CDH18: variants seen among roughly 807,000 people sequenced by gnomAD.
CDH18 encodes cadherin-18.
CDH18 carries 31 observed loss-of-function variants against 67.9 expected under a neutral mutation model. The ratio of observed to expected loss-of-function variants is 0.46; its 90% CI spans 0.34 to 0.62. The LOEUF (loss-of-function observed/expected upper bound fraction) is 0.62, where lower values mean the gene tolerates loss of function less well. Ranked by LOEUF, CDH18 falls within the 20% of genes least tolerant of loss-of-function variation. The pLI, the probability that CDH18 is intolerant of heterozygous loss-of-function variation, is 0.01. For missense variants in CDH18, 890 were observed against 975.5 expected (o/e 0.91, Z 1.17); for synonymous variants, 362 against 347.2 (o/e 1.04, Z -0.48).
intron 11 of CDH18, among the ~76,000 whole-genome samples, chr5:19,502,153 G>A (rs539265849): frequency 1.9e-4 from 29 of 152,166 alleles, no homozygotes; most frequent in Non-Finnish European, 4.0e-4. Context: ...CGGAAGTGAA[G>A]AGAAAGGGAA....
chr5:19,527,201 C>G (rs1237200174), intron 9 of CDH18, among the ~76,000 whole-genome samples: 3 of 151,724 alleles, frequency 2.0e-5, no homozygotes, highest in Non-Finnish European at 4.4e-5. Context: ...TGAAAACAAA[C>G]TATCCACTTA....
intron 2 of CDH18, among the ~76,000 whole-genome samples, chr5:19,921,735 A>C (rs1474231281): frequency 2.6e-5 from 4 of 152,162 alleles, no homozygotes; most frequent in African/African-American, 9.6e-5. Context: ...CATCAGTCAT[A>C]AGTAGAAAAG....
intron 3 of CDH18, among the ~76,000 whole-genome samples, chr5:19,833,380 G>A (rs2150001848): frequency 6.6e-6 from 1 of 152,204 alleles, no homozygotes; most frequent in East Asian, 1.9e-4. Context: ...TGTATCCTGA[G>A]AGTTTGCTGA....
upstream of CDH18, among the ~76,000 whole-genome samples, chr5:19,989,893 T>C (rs1799883640): frequency 6.6e-6 from 1 of 152,158 alleles, no homozygotes; most frequent in Non-Finnish European, 1.5e-5. Context: ...TTAAGGAAGA[T>C]GTTAGAAGTC....
At chr5:20,307,222 A>C (rs914887981) in intron 1 of CDH18, among the ~76,000 whole-genome samples, 17 of 152,150 alleles carry the variant, frequency 1.1e-4, no homozygotes, top group Non-Finnish European at 5.9e-5. Flanking sequence ...GAGATCTTTT[A>C]TTCTAAGAGC....
chr5:20,330,151 T>C (rs1739028995), intron 1 of CDH18, among the ~76,000 whole-genome samples: 1 of 152,228 alleles, frequency 6.6e-6, no homozygotes, highest in South Asian at 2.1e-4. Flanking sequence ...AATTATCTTT[T>C]TTTAGTTGCT....
At chr5:19,917,354 T>G (rs960922206) in intron 2 of CDH18, among the ~76,000 whole-genome samples, 1 of 149,704 alleles carries the variant, frequency 6.7e-6, no homozygotes, top group Admixed American at 6.7e-5. Flanking sequence ...CGCCCCCTTT[T>G]TTTTCTTTTC....
intron 1 of CDH18, among the ~76,000 whole-genome samples, chr5:20,535,070 T>C (rs1174716858): frequency 6.6e-6 from 1 of 152,118 alleles, no homozygotes; most frequent in Admixed American, 6.6e-5. Flanking sequence ...CATGAAAATA[T>C]AGTGTTAAAA....
At chr5:20,207,690 C>A (rs1248275177) in intron 2 of CDH18, among the ~76,000 whole-genome samples, 2 of 152,068 alleles carry the variant, frequency 1.3e-5, no homozygotes, top group Non-Finnish European at 2.9e-5. Context: ...GTCCCTCCCA[C>A]AACATGTGAA....
intron 1 of CDH18, among the ~76,000 whole-genome samples, chr5:20,387,979 T>C (rs538765340): frequency 4.9e-4 from 74 of 152,280 alleles, no homozygotes; most frequent in Non-Finnish European, 9.3e-4. Flanking sequence ...CAGTATTTTA[T>C]TGAGGATTTT....
chr5:19,755,431 G>GTATATATATATATA (rs1256145011), intron 3 of CDH18, among the ~76,000 whole-genome samples: 17 of 77,336 alleles, frequency 2.2e-4, no homozygotes, highest in Non-Finnish European at 3.1e-4. Context: ...AACAGGGTAT[G>GTATATATATATATA]TATATATATA....
At chr5:19,913,563 A>G (rs1364703396) in intron 2 of CDH18, among the ~76,000 whole-genome samples, 1 of 152,102 alleles carries the variant, frequency 6.6e-6, no homozygotes, top group Admixed American at 6.6e-5. Context: ...GAAATCAGAG[A>G]GTAGGTATGT....
chr5:20,562,416 C>T (rs2126649810), intron 1 of CDH18, among the ~76,000 whole-genome samples: 1 of 151,566 alleles, frequency 6.6e-6, no homozygotes, highest in East Asian at 1.9e-4. Context: ...ACCTATGTTA[C>T]TAAGCAAAAT....
At chr5:20,476,817 T>G (rs892147059) in intron 1 of CDH18, among the ~76,000 whole-genome samples, 4 of 152,202 alleles carry the variant, frequency 2.6e-5, no homozygotes, top group Admixed American at 1.3e-4. Flanking sequence ...TGTATCTATT[T>G]GAAGAACAGT....
intron 2 of CDH18, among the ~76,000 whole-genome samples, chr5:19,950,509 A>C (rs1433520938): frequency 6.6e-6 from 1 of 152,162 alleles, no homozygotes; most frequent in African/African-American, 2.4e-5. Context: ...TGTTCTGCAA[A>C]ACCTATTGAA....
At chr5:19,924,361 T>C (rs751973048) in intron 2 of CDH18, among the ~76,000 whole-genome samples, 1 of 152,094 alleles carries the variant, frequency 6.6e-6, no homozygotes, top group Non-Finnish European at 1.5e-5. Context: ...CTTTGGCCAG[T>C]TGTGGTGGCT....
At chr5:20,421,945 A>G (rs1747895945) in intron 1 of CDH18, among the ~76,000 whole-genome samples, 1 of 150,900 alleles carries the variant, frequency 6.6e-6, no homozygotes, top group African/African-American at 2.5e-5. Flanking sequence ...TATACTCATC[A>G]TTTAAAAACC....
chr5:19,849,523 C>G (rs186161816), intron 2 of CDH18, among the ~76,000 whole-genome samples: 2 of 151,062 alleles, frequency 1.3e-5, no homozygotes, highest in Admixed American at 6.6e-5. Context: ...CATAAATGTA[C>G]GCTTTGTGTT....
At chr5:19,597,704 C>T (rs2150052622) in intron 6 of CDH18, among the ~76,000 whole-genome samples, 1 of 152,214 alleles carries the variant, frequency 6.6e-6, no homozygotes, top group South Asian at 2.1e-4. Flanking sequence ...GATAAAGTAA[C>T]ATACTATTGA....
Sources: gnomAD v4.1 joint callset for allele counts (sites outside exome capture counted in the v4.1 genomes callset) on GRCh38, gnomAD v4.1.1 for gene constraint, MANE v1.5 for transcripts, NCBI Gene and HGNC (gene_info 2026-07-23, HGNC 2026-07-21) for gene names.